Variants in ESR1 observed in about 807,000 individuals in gnomAD.
ESR1 encodes estrogen receptor.
ESR1 carries 12 observed loss-of-function variants against 52.7 expected under a neutral mutation model. The observed-to-expected ratio is 0.23, with a 90% CI of 0.15 to 0.37. The LOEUF is 0.37. Ranked by LOEUF, ESR1 falls within the 10% of genes least tolerant of loss-of-function variation. The pLI, the probability that ESR1 is intolerant of heterozygous loss-of-function variation, is 1.00. For synonymous variants in ESR1, 305 were observed against 316.8 expected, an observed-to-expected ratio of 0.96 and a Z score of 0.39; for missense variants, 584 against 779.7, an observed-to-expected ratio of 0.75 and a Z score of 2.99.
At chr6:151,671,580 TTAGA>T (rs1353793710) in intron 1 of ESR1, among the ~76,000 whole-genome samples, 4 of 152,114 alleles carry the variant, frequency 2.6e-5, no homozygotes, top group Admixed American at 6.6e-5. Flanking sequence ...AAAGTTTTAG[TTAGA>T]TAGGAGGAGT....
intron 6 of ESR1, among the ~76,000 whole-genome samples, chr6:152,062,928 C>T (rs2047663110): frequency 6.6e-6 from 1 of 152,114 alleles, no homozygotes; most frequent in Admixed American, 6.5e-5. Flanking sequence ...TGTTTCTGTT[C>T]CTATGGCAGA....
intron 2 of ESR1, among the ~76,000 whole-genome samples, chr6:151,734,033 T>G (rs1052999027): frequency 1.3e-5 from 2 of 152,246 alleles, no homozygotes; most frequent in African/African-American, 2.4e-5. Flanking sequence ...AATTTCCAAC[T>G]GCGTATGAAG....
intron 3 of ESR1, among the ~76,000 whole-genome samples, chr6:151,905,438 T>C (rs1797292604): frequency 6.6e-6 from 1 of 152,206 alleles, no homozygotes; most frequent in Non-Finnish European, 1.5e-5. Flanking sequence ...TGGTTGATTC[T>C]AAATTACATG....
chr6:151,982,006 A>C (rs939504432), intron 4 of ESR1, among the ~76,000 whole-genome samples: 1 of 152,396 alleles, frequency 6.6e-6, no homozygotes, highest in Admixed American at 6.5e-5. Flanking sequence ...AAGATCACAC[A>C]GATTCCTTTA....
intron 5 of ESR1, among the ~76,000 whole-genome samples, chr6:152,029,006 C>T (rs1340628670): frequency 2.0e-5 from 3 of 152,232 alleles, no homozygotes; most frequent in African/African-American, 7.2e-5. Context: ...TCTGCAGCCT[C>T]CGCTGCTGAT....
intron 4 of ESR1, among the ~76,000 whole-genome samples, chr6:151,996,142 G>T (rs1412788322): frequency 6.6e-6 from 1 of 152,066 alleles, no homozygotes; most frequent in Admixed American, 6.6e-5. Flanking sequence ...TTTTTTCCCT[G>T]ATAGTCTGTA....
At chr6:151,759,730 T>C (rs1784534349) in intron 2 of ESR1, among the ~76,000 whole-genome samples, 1 of 152,190 alleles carries the variant, frequency 6.6e-6, no homozygotes, top group African/African-American at 2.4e-5. Context: ...CATGGCACTA[T>C]GGTTACATTT....
At chr6:152,004,599 G>A (rs2042195136) in intron 4 of ESR1, among the ~76,000 whole-genome samples, 1 of 151,668 alleles carries the variant, frequency 6.6e-6, no homozygotes, top group African/African-American at 2.4e-5. Context: ...AAACAATCCT[G>A]TTGGCTTTTA....
intron 2 of ESR1, among the ~76,000 whole-genome samples, chr6:151,742,176 G>A (rs928137797): frequency 3.9e-5 from 6 of 152,174 alleles, no homozygotes; most frequent in African/African-American, 1.2e-4. Context: ...CACTTAGGTT[G>A]TTTCCATATC....
At position 151,663,371 on chromosome 6, in the gene ESR1, C is replaced by T. The variant is rs556986292; in HGVS notation, n.73+6608C>T. On this transcript the variant is annotated intron_variant and non_coding_transcript_variant, in intron 1 of 2. Coordinates refer to the ESR1 transcript ENST00000473497. The stretch of plus-strand genomic sequence containing the variant: ...AAATCTCTTTTTCTGCTGAGATCAA[C>T]TGAGATTTCTAGAAAGCAGTCCTAT... Among the ~76,000 whole-genome samples the T allele has an allele frequency of 6.6e-5, 10 of 152,288 alleles. No individual in the cohort carries two copies. In the East Asian group the frequency reaches 1.9e-3, roughly 29 times the overall value.
chr6:151,920,446 T>A (rs1449398202), intron 3 of ESR1, among the ~76,000 whole-genome samples: 1 of 152,190 alleles, frequency 6.6e-6, no homozygotes, highest in Admixed American at 6.5e-5. Context: ...ACATCTATCA[T>A]AACTAATGAA....
chr6:151,793,167 T>C (rs1226364125), intron 2 of ESR1, among the ~76,000 whole-genome samples: 2 of 144,762 alleles, frequency 1.4e-5, no homozygotes, highest in Non-Finnish European at 3.0e-5. Flanking sequence ...CGAGACTCTA[T>C]CTCAAAAAAA....
chr6:151,958,058 A>G (rs966808667), intron 4 of ESR1, among the ~76,000 whole-genome samples: 1 of 152,212 alleles, frequency 6.6e-6, no homozygotes, highest in Admixed American at 6.5e-5. Flanking sequence ...CATCTGTCTA[A>G]AAGGAACGCT....
chr6:151,859,017 C>T (rs1260456475), intron 2 of ESR1, among the ~76,000 whole-genome samples: 1 of 152,168 alleles, frequency 6.6e-6, no homozygotes, highest in East Asian at 1.9e-4. Context: ...AGAAAAACTA[C>T]AGGAGTAGTC....
chr6:151,664,467 T>C (rs1777749443), intron 1 of ESR1, among the ~76,000 whole-genome samples: 1 of 152,198 alleles, frequency 6.6e-6, no homozygotes, highest in Non-Finnish European at 1.5e-5. Flanking sequence ...ATAATGAGGA[T>C]GAAGCTTTAG....
At chr6:152,040,589 C>A (rs1282596962) in intron 5 of ESR1, among the ~76,000 whole-genome samples, 1 of 152,204 alleles carries the variant, frequency 6.6e-6, no homozygotes, top group Non-Finnish European at 1.5e-5. Flanking sequence ...ACACATCTTG[C>A]CATTTCTCCT....
chr6:151,852,896 C>T (rs1041561540), intron 2 of ESR1, among the ~76,000 whole-genome samples: 4 of 151,580 alleles, frequency 2.6e-5, no homozygotes, highest in African/African-American at 9.7e-5. Flanking sequence ...AAGTCATGGC[C>T]GGGTGCGGTG....
intron 1 of ESR1, among the ~76,000 whole-genome samples, chr6:151,675,264 G>A (rs1039569881): frequency 3.9e-5 from 6 of 152,178 alleles, no homozygotes; most frequent in Non-Finnish European, 5.9e-5. Context: ...TACTCACTGA[G>A]GGTCTACTGT....
At chr6:152,042,382 A>T (rs1044863881) in intron 5 of ESR1, among the ~76,000 whole-genome samples, 9 of 152,228 alleles carry the variant, frequency 5.9e-5, no homozygotes, top group Non-Finnish European at 1.2e-4. Context: ...CTTTAACTGG[A>T]GGACCACGTG....
Sources: gnomAD v4.1 joint callset for allele counts (sites outside exome capture counted in the v4.1 genomes callset) on GRCh38, gnomAD v4.1.1 for gene constraint, MANE v1.5 for transcripts, NCBI Gene and HGNC (gene_info 2026-07-23, HGNC 2026-07-21) for gene names.